Variants in STAMBPL1 observed in about 807,000 individuals in gnomAD.
The protein encoded by STAMBPL1 is AMSH-like protease.
STAMBPL1 carries 44 observed loss-of-function variants against 52.9 expected under a neutral mutation model. That is an observed-to-expected ratio of 0.83 (90% CI 0.65 to 1.07). The LOEUF is 1.07. STAMBPL1 is among the 50% of genes least tolerant of loss of function. The pLI, the probability that STAMBPL1 is intolerant of heterozygous loss-of-function variation, is 0.00. For missense variants in STAMBPL1, 511 were observed against 520.8 expected (o/e 0.98, Z 0.18); for synonymous variants, 164 against 177.3 (o/e 0.92, Z 0.60).
Position 88,923,192 on chromosome 10 carries a change from G to A in STAMBPL1, c.1279G>A (p.Asp427Asn). The A allele has an allele frequency of 6.2e-7, 1 of 1,605,568 alleles. No individual in the cohort carries two copies. Among genetic ancestry groups the A allele is most frequent in the African/African-American group, 1.3e-5 (1 of 74,586 alleles). ...GATATGCAAACATGTGTTGGTAAAA[G>A]ACATAAAAATAATTGTGTTGGATCT... ...FSICKHVLVKDIKIIVLDLR is the reference protein window; with the variant it reads ...FSICKHVLVKNIKIIVLDLR The change falls in exon 11 of 11, where the codon GAC (aspartate) becomes AAC (asparagine). Residue 427 changes from aspartate to asparagine, a missense_variant. By Grantham distance (23) the Asp-to-Asn change is conservative (BLOSUM62 1). Transcript: ENST00000371926.
intron 2 of STAMBPL1, among the ~76,000 whole-genome samples, chr10:88,903,015 T>C (rs527353438): frequency 6.6e-6 from 1 of 152,334 alleles, no homozygotes; most frequent in African/African-American, 2.4e-5. Context: ...CTGACCCATT[T>C]CCACCTCTCC....
At chr10:88,916,168 C>T (rs547545826) in intron 7 of STAMBPL1, among the ~76,000 whole-genome samples, 4 of 152,126 alleles carry the variant, frequency 2.6e-5, no homozygotes, top group African/African-American at 7.2e-5. Context: ...TCCCAGCATT[C>T]GAAGAATGTC....
chr10:88,901,642 T>A lies in STAMBPL1; in HGVS notation c.-53-14T>A, dbSNP rs1291936368. ...AAAAAATAACTTTAGTTCTGCTTCT[T>A]GTTTTTGAAACAGATGAAGTGATTG... On this transcript the variant is annotated splice_polypyrimidine_tract_variant and intron_variant, in intron 1 of 10. Coordinates refer to ENST00000371926, the MANE Select transcript of STAMBPL1 (RefSeq NM_020799.4). 4 of 1,544,386 alleles carry A rather than the reference T, an allele frequency of 2.6e-6. No individual in the cohort carries two copies. Among genetic ancestry groups the A allele is most frequent in the Non-Finnish European group, 3.5e-6 (4 of 1,135,562 alleles).
At chr10:88,909,411 A>C (rs1234638697) in intron 4 of STAMBPL1, among the ~76,000 whole-genome samples, 1 of 152,088 alleles carries the variant, frequency 6.6e-6, no homozygotes, top group Non-Finnish European at 1.5e-5. Context: ...ATTTGTCTTT[A>C]ATAGTTTGTG....
intron 6 of STAMBPL1, 74 bp downstream of exon 6, chr10:88,913,532 G>A: frequency 7.7e-7 from 1 of 1,303,236 alleles, no homozygotes; most frequent in Non-Finnish European, 1.1e-6. Flanking sequence ...GCATCTGGGA[G>A]GGTCCTTCTC....
intron 6 of STAMBPL1, 132 bp from the exon 7 acceptor site, chr10:88,914,402 T>C (rs1845314207): frequency 1.8e-6 from 1 of 548,330 alleles, no homozygotes; most frequent in African/African-American, 2.0e-5. Flanking sequence ...TAAAATAAAA[T>C]ATGGAAAGTG....
At chr10:88,918,708 G>T (rs555739188) in intron 8 of STAMBPL1, among the ~76,000 whole-genome samples, 1 of 152,028 alleles carries the variant, frequency 6.6e-6, no homozygotes. Flanking sequence ...CTTATTTAGC[G>T]TAACATGATT....
In STAMBPL1 at chr10:88,923,430, C is replaced by G; in HGVS notation, c.*206C>G. On this transcript the variant is annotated 3_prime_UTR_variant, in exon 11 of 11. Coordinates refer to ENST00000371926, the MANE Select transcript of STAMBPL1 (RefSeq NM_020799.4). The stretch of plus-strand genomic sequence containing the variant: ...CAAGAGAGGTTACATGGTGTTAAAT[C>G]GGTACCTGATAATGTACCCAAATAC... 2 of 1,289,424 alleles carry G rather than the reference C, an allele frequency of 1.6e-6. No individual in the cohort carries two copies. The highest frequency in any genetic ancestry group is 2.0e-6 in the Non-Finnish European group (2 of 1,021,850). 79.9% of individuals were successfully genotyped at this position (1,289,424 alleles called of 1,614,324 possible). A position where few individuals can be genotyped will look rare whatever the true frequency, so the allele number is the denominator to read the frequency against.
Position 88,918,429 on chromosome 10 carries a change from C to T in STAMBPL1, c.1041+1612C>T, listed in dbSNP as rs117367579. Among the ~76,000 whole-genome samples, 1,277 of 152,194 alleles carry T rather than the reference C, an allele frequency of 8.4e-3. 44 individuals carry two copies. In the East Asian group the frequency reaches 0.12, roughly 15 times the overall value. ...TGCTATCAGTTAGGACTTCTAGCCT[C>T]ATTTCCAGATTTCCTCATTGACTGA... On this transcript the variant is annotated intron_variant, in intron 8 of 10. Transcript: ENST00000371926.
At chr10:88,904,906 G>A (rs1183861158) in intron 2 of STAMBPL1, among the ~76,000 whole-genome samples, 3 of 151,634 alleles carry the variant, frequency 2.0e-5, no homozygotes, top group African/African-American at 4.8e-5. Flanking sequence ...GGACTTACTT[G>A]TGGGTTGTTT....
intron 1 of STAMBPL1, among the ~76,000 whole-genome samples, chr10:88,888,547 T>G (rs1844596199): frequency 6.6e-6 from 1 of 152,222 alleles, no homozygotes; most frequent in African/African-American, 2.4e-5. Flanking sequence ...GGTCTATAGC[T>G]TTTTGGTAAA....
chr10:88,895,233 T>A, intron 1 of STAMBPL1, among the ~76,000 whole-genome samples: 1 of 152,208 alleles, frequency 6.6e-6, no homozygotes, highest in Non-Finnish European at 1.5e-5. Flanking sequence ...CCCTAGGATG[T>A]CTCTTTGTAT....
At chr10:88,892,057 T>G (rs947650342) in intron 1 of STAMBPL1, among the ~76,000 whole-genome samples, 8 of 151,760 alleles carry the variant, frequency 5.3e-5, no homozygotes, top group African/African-American at 1.9e-4. Context: ...TAAAGATATA[T>G]CAAGAAAAAA....
chr10:88,922,223 T>C, intron 9 of STAMBPL1, 114 bp from the exon 10 acceptor site: 1 of 998,362 alleles, frequency 1.0e-6, no homozygotes, highest in South Asian at 1.5e-5. Context: ...ATTCCTAGTT[T>C]GTGATTTCTC....
At chr10:88,890,521 C>T (rs1844652337) in intron 1 of STAMBPL1, among the ~76,000 whole-genome samples, 1 of 152,182 alleles carries the variant, frequency 6.6e-6, no homozygotes, top group African/African-American at 2.4e-5. Flanking sequence ...GAATCTGAAT[C>T]TGCACATGCA....
At position 88,916,710 on chromosome 10, in the gene STAMBPL1, A is replaced by G; in HGVS notation, c.934A>G (p.Ile312Val). ...TAATGAATTTACTATTACCCATGTA[A>G]TTGTGCCAAAGCAGTCTGCGGGACC... ...THNEFTITHV[I>V]VPKQSAGPDY... Residue 312 changes from isoleucine (I) to valine (V), a missense_variant, in exon 8 of 11, where the codon ATT becomes GTT. Ile to Val is a conservative substitution (Grantham distance 29, BLOSUM62 3). This residue lies in a region of STAMBPL1 where 16 missense variants were observed against 37.4 expected (regional missense o/e 0.43). Coordinates refer to ENST00000371926, the MANE Select transcript of STAMBPL1 (RefSeq NM_020799.4). 1 of 1,607,578 alleles carries G rather than the reference A, an allele frequency of 6.2e-7. No homozygotes were observed. The highest frequency in any genetic ancestry group is 8.5e-7 in the Non-Finnish European group (1 of 1,177,324).
chr10:88,923,144 TA>T (rs1474965221), intron 10 of STAMBPL1, 23 bp from the exon 11 acceptor site: 3 of 1,582,046 alleles, frequency 1.9e-6, no homozygotes, highest in African/African-American at 1.4e-5. Flanking sequence ...AAACATATGG[TA>T]AAACCAATTT....
chr10:88,888,080 G>C (rs1399252748), intron 1 of STAMBPL1, among the ~76,000 whole-genome samples: 1 of 152,076 alleles, frequency 6.6e-6, no homozygotes, highest in East Asian at 1.9e-4. Flanking sequence ...TCTTTTGATG[G>C]GTGGAATCAG....
intron 7 of STAMBPL1, among the ~76,000 whole-genome samples, chr10:88,916,076 G>T (rs568660833): frequency 1.3e-5 from 2 of 152,038 alleles, no homozygotes; most frequent in Non-Finnish European, 2.9e-5. Context: ...TTGCCTAAGG[G>T]GGGTAATTTG....
Sources: gnomAD v4.1 joint callset for allele counts (sites outside exome capture counted in the v4.1 genomes callset) on GRCh38, gnomAD v4.1.1 for gene constraint, gnomAD v4.1.1 regional missense constraint, MANE v1.5 for transcripts, NCBI Gene and HGNC (gene_info 2026-07-23, HGNC 2026-07-21) for gene names.